The following CNTNAP2 variants were observed in gnomAD, a reference collection of about 807,000 sequenced individuals.
CNTNAP2 encodes contactin-associated protein-like 2.
A neutral mutation model predicts 155.2 loss-of-function variants in CNTNAP2; 98 were observed. The observed-to-expected ratio is 0.63, with a 90% CI of 0.54 to 0.75. The LOEUF is 0.75. Ranked by LOEUF, CNTNAP2 falls within the 30% of genes least tolerant of loss-of-function variation. The pLI, the probability that CNTNAP2 is intolerant of heterozygous loss-of-function variation, is 0.00. For synonymous variants in CNTNAP2, 651 were observed against 631.2 expected, an observed-to-expected ratio of 1.03 and a Z score of -0.47; for missense variants, 1,727 against 1,688.1, an observed-to-expected ratio of 1.02 and a Z score of -0.40.
intron 1 of CNTNAP2, among the ~76,000 whole-genome samples, chr7:146,463,852 A>G (rs1796675925): frequency 6.6e-6 from 1 of 152,134 alleles, no homozygotes; most frequent in Non-Finnish European, 1.5e-5. Flanking sequence ...ACAATAAAAT[A>G]CAATCTATTC....
chr7:147,434,399 T>C (rs1797516565), intron 10 of CNTNAP2, among the ~76,000 whole-genome samples: 1 of 152,216 alleles, frequency 6.6e-6, no homozygotes, highest in African/African-American at 2.4e-5. Flanking sequence ...AATTGAAATA[T>C]TGTCTACCAA....
chr7:148,328,222 G>A (rs1269355923), intron 21 of CNTNAP2, among the ~76,000 whole-genome samples: 1 of 152,162 alleles, frequency 6.6e-6, no homozygotes, highest in African/African-American at 2.4e-5. Flanking sequence ...GCTTTCAGGT[G>A]GAGAGAGGGG....
chr7:148,303,538 G>C (rs1797432398), intron 21 of CNTNAP2, among the ~76,000 whole-genome samples: 1 of 152,176 alleles, frequency 6.6e-6, no homozygotes, highest in African/African-American at 2.4e-5. Flanking sequence ...TGAAATTTCT[G>C]CTGAATAAGG....
chr7:146,207,584 A>C (rs1284695173), intron 1 of CNTNAP2, among the ~76,000 whole-genome samples: 1 of 151,400 alleles, frequency 6.6e-6, no homozygotes, highest in African/African-American at 2.4e-5. Flanking sequence ...TGTGTTAGAC[A>C]ACAGAAATTT....
intron 1 of CNTNAP2, among the ~76,000 whole-genome samples, chr7:146,170,082 A>G (rs1798368152): frequency 6.9e-6 from 1 of 145,558 alleles, no homozygotes; most frequent in South Asian, 2.1e-4. Flanking sequence ...GCTGGAGTGC[A>G]GTGGTGCCAT....
intron 1 of CNTNAP2, among the ~76,000 whole-genome samples, chr7:146,583,922 T>C (rs1418981535): frequency 6.6e-6 from 1 of 152,082 alleles, no homozygotes; most frequent in African/African-American, 2.4e-5. Context: ...TGGGATTGAG[T>C]TCCTTTTTTA....
At chr7:147,551,232 G>A (rs1334136837) in intron 11 of CNTNAP2, among the ~76,000 whole-genome samples, 1 of 152,122 alleles carries the variant, frequency 6.6e-6, no homozygotes, top group Non-Finnish European at 1.5e-5. Flanking sequence ...TTCTCATGCT[G>A]TCTGCTGTAA....
chr7:146,823,634 A>G (rs935113448), intron 2 of CNTNAP2, among the ~76,000 whole-genome samples: 32 of 120,884 alleles, frequency 2.6e-4, no homozygotes, highest in African/African-American at 2.2e-3. Flanking sequence ...TTACATGGAA[A>G]TATACTCATT....
At chr7:147,804,384 G>A (rs561011689) in intron 13 of CNTNAP2, among the ~76,000 whole-genome samples, 2 of 152,252 alleles carry the variant, frequency 1.3e-5, no homozygotes, top group African/African-American at 4.8e-5. Flanking sequence ...ACTCCCTGGT[G>A]CTCTTCTGGG....
At chr7:147,563,281 A>G (rs892573105) in intron 12 of CNTNAP2, among the ~76,000 whole-genome samples, 10 of 152,150 alleles carry the variant, frequency 6.6e-5, no homozygotes, top group African/African-American at 2.4e-4. Context: ...CACACGGTAA[A>G]CCTTCAATAA....
intron 2 of CNTNAP2, among the ~76,000 whole-genome samples, chr7:146,790,228 C>T (rs1231450397): frequency 6.6e-6 from 1 of 152,138 alleles, no homozygotes; most frequent in Non-Finnish European, 1.5e-5. Flanking sequence ...TTATTTAAGA[C>T]AATCATTGAT....
chr7:146,187,496 T>G (rs545369528), intron 1 of CNTNAP2, among the ~76,000 whole-genome samples: 1 of 152,238 alleles, frequency 6.6e-6, no homozygotes. Flanking sequence ...AACTATACAT[T>G]ATCACAGAAT....
At chr7:147,347,463 T>TATATATATATATGCATATATATATGC (rs1795894243) in intron 9 of CNTNAP2, among the ~76,000 whole-genome samples, 1 of 67,868 alleles carries the variant, frequency 1.5e-5, no homozygotes, top group African/African-American at 3.4e-5. Flanking sequence ...TATGCATATA[T>TATATATATATATGCATATATATATGC]ATATATATAT....
At chr7:148,271,602 G>C (rs552881668) in intron 21 of CNTNAP2, among the ~76,000 whole-genome samples, 1 of 152,164 alleles carries the variant, frequency 6.6e-6, no homozygotes, top group Admixed American at 6.5e-5. Context: ...GCAAGGACGA[G>C]GTTCTTGCTA....
intron 8 of CNTNAP2, among the ~76,000 whole-genome samples, chr7:147,291,156 T>A (rs1174877383): frequency 6.6e-6 from 1 of 152,120 alleles, no homozygotes; most frequent in East Asian, 1.9e-4. Flanking sequence ...TTATTCTTTT[T>A]TTAAATTTTA....
chr7:146,144,368 T>A (rs1426337284), intron 1 of CNTNAP2, among the ~76,000 whole-genome samples: 1 of 152,100 alleles, frequency 6.6e-6, no homozygotes, highest in African/African-American at 2.4e-5. Flanking sequence ...CCCAGGCTGC[T>A]CTTGAACTCC....
chr7:148,304,005 T>C (rs995806481), intron 21 of CNTNAP2, among the ~76,000 whole-genome samples: 5 of 152,242 alleles, frequency 3.3e-5, no homozygotes, highest in Non-Finnish European at 7.3e-5. Context: ...TTTGAAGTTG[T>C]GGATTGCCTG....
At chr7:147,294,034 T>C (rs560698059) in intron 8 of CNTNAP2, among the ~76,000 whole-genome samples, 87 of 152,290 alleles carry the variant, frequency 5.7e-4, no homozygotes, top group Middle Eastern at 3.4e-3. Flanking sequence ...TTACGAATTA[T>C]AACAATGGTA....
At chr7:147,353,963 C>A (rs1051896768) in intron 9 of CNTNAP2, among the ~76,000 whole-genome samples, 2 of 132,544 alleles carry the variant, frequency 1.5e-5, no homozygotes, top group Admixed American at 8.0e-5. Flanking sequence ...CTGTTCATAT[C>A]CTTCGCCCAC....
Sources: gnomAD v4.1 joint callset for allele counts (sites outside exome capture counted in the v4.1 genomes callset) on GRCh38, gnomAD v4.1.1 for gene constraint, MANE v1.5 for transcripts, NCBI Gene and HGNC (gene_info 2026-07-23, HGNC 2026-07-21) for gene names.